Variants in IL1RAPL1 observed in about 807,000 individuals in gnomAD.
IL1RAPL1 encodes the protein interleukin-1 receptor accessory protein-like 1.
IL1RAPL1 carries 3 observed loss-of-function variants against 48.4 expected under a neutral mutation model. The observed-to-expected ratio is 0.06, with a 90% CI of 0.03 to 0.16. The LOEUF (loss-of-function observed/expected upper bound fraction) is 0.16, where lower values mean the gene tolerates loss of function less well. IL1RAPL1 is among the 10% of genes least tolerant of loss of function. The pLI, the probability that IL1RAPL1 is intolerant of heterozygous loss-of-function variation, is 1.00. For missense variants in IL1RAPL1, 349 were observed against 530.6 expected, an observed-to-expected ratio of 0.66 and a Z score of 3.36; for synonymous variants, 185 against 187.7, an observed-to-expected ratio of 0.99 and a Z score of 0.12.
chrX:28,704,898 A>T (rs1221381392), intron 1 of IL1RAPL1, among the ~76,000 whole-genome samples: 2 of 106,662 alleles, frequency 1.9e-5, no homozygotes, highest in African/African-American at 3.4e-5. Context: ...CAATACTGGG[A>T]TGGAGAAGTA....
intron 2 of IL1RAPL1, among the ~76,000 whole-genome samples, chrX:28,827,301 G>C (rs1937004348): frequency 9.0e-6 from 1 of 110,631 alleles, no homozygotes; most frequent in South Asian, 3.8e-4. Context: ...TTGTAGGCTG[G>C]GAGTGTCAGA....
intron 2 of IL1RAPL1, among the ~76,000 whole-genome samples, chrX:28,901,020 C>T (rs888948446): frequency 3.1e-4 from 35 of 111,872 alleles, no homozygotes; most frequent in African/African-American, 1.1e-3. Context: ...TAATTAACAG[C>T]TGGTAGGATT....
rs777695745 is a variant in IL1RAPL1, at chrX:29,802,437, G to A, written c.779-115027G>A. Reference sequence around the variant, plus strand: ...TTGCTTTAATTTTCAATCTCTCAAGGACCAATACTTTGGTAAAATACCATA... The same window carrying A: ...TTGCTTTAATTTTCAATCTCTCAAGAACCAATACTTTGGTAAAATACCATA... On this transcript the variant is annotated intron_variant, in intron 6 of 10. Transcript: ENST00000378993. Among the ~76,000 whole-genome samples, 181 of 109,414 alleles carry A rather than the reference G, an allele frequency of 1.7e-3. 2 individuals are homozygous for A. The highest frequency in any genetic ancestry group is 2.8e-3 in the Admixed American group (28 of 10,076).
rs765166817 is a variant in IL1RAPL1, at chrX:29,180,826, G to T, written c.83-102112G>T. ...CATACTTTGCTACATTGCTAAGAAT[G>T]TAAACATTACAGTGACGTTTTAGAT... is the stretch of plus-strand genomic sequence containing the variant. On this transcript the variant is annotated intron_variant, in intron 2 of 10. Transcript: ENST00000378993. 6.3e-5 allele frequency among the ~76,000 whole-genome samples: 7 copies of T among 111,702 alleles called. No individual in the cohort carries two copies. The South Asian group carries it at 1.1e-3, about 18-fold the overall frequency.
chrX:29,801,045 CAAAAAAAAAAAAAAAAAAAA>C (rs60240258), intron 6 of IL1RAPL1, among the ~76,000 whole-genome samples: 45 of 2,208 alleles, frequency 0.02, 3 homozygotes, highest in South Asian at 0.12. Flanking sequence ...CTCTCCGTCT[CAAAAAAAAAAAAAAAAAAAA>C]AAAAAAAAAA....
chrX:28,654,436 A>G (rs886474937), intron 1 of IL1RAPL1, among the ~76,000 whole-genome samples: 2 of 111,550 alleles, frequency 1.8e-5, no homozygotes, highest in African/African-American at 6.5e-5. Context: ...TATTCACATA[A>G]AGCTAATGGG....
At chrX:29,863,180 A>G (rs965244904) in intron 6 of IL1RAPL1, among the ~76,000 whole-genome samples, 1 of 111,546 alleles carries the variant, frequency 9.0e-6, no homozygotes, top group East Asian at 2.8e-4. Flanking sequence ...TGTGAGAGAT[A>G]AATCAAACCT....
At chrX:28,627,328 G>C (rs950124518) in intron 1 of IL1RAPL1, among the ~76,000 whole-genome samples, 45 of 111,745 alleles carry the variant, frequency 4.0e-4, no homozygotes, top group African/African-American at 1.4e-3. Flanking sequence ...TAAACGGGAG[G>C]GTGGGGAGTA....
chrX:29,010,275 T>C (rs149645503), intron 2 of IL1RAPL1, among the ~76,000 whole-genome samples: 1 of 112,008 alleles, frequency 8.9e-6, no homozygotes, highest in East Asian at 2.8e-4. Flanking sequence ...GCACTTCCAG[T>C]ACTATGCTGA....
chrX:29,766,504 T>C (rs1238492792), intron 6 of IL1RAPL1, among the ~76,000 whole-genome samples: 2 of 96,997 alleles, frequency 2.1e-5, no homozygotes, highest in Non-Finnish European at 4.0e-5. Flanking sequence ...TATATATATA[T>C]GAGATTTCCA....
chrX:28,660,656 A>G (rs1428007784), intron 1 of IL1RAPL1, among the ~76,000 whole-genome samples: 1 of 111,836 alleles, frequency 8.9e-6, no homozygotes, highest in Non-Finnish European at 1.9e-5. Context: ...GAGATTAAGA[A>G]GGGATTATTT....
chrX:28,975,629 T>C (rs1442660408), intron 2 of IL1RAPL1, among the ~76,000 whole-genome samples: 1 of 112,348 alleles, frequency 8.9e-6, no homozygotes, highest in African/African-American at 3.2e-5. Flanking sequence ...ATGAAGTCTC[T>C]TCTCCTAACC....
intron 6 of IL1RAPL1, among the ~76,000 whole-genome samples, chrX:29,830,300 G>A (rs1031244081): frequency 9.0e-6 from 1 of 111,539 alleles, no homozygotes; most frequent in African/African-American, 3.3e-5. Flanking sequence ...CATTGGGTGA[G>A]CAATTCTATT....
intron 2 of IL1RAPL1, among the ~76,000 whole-genome samples, chrX:28,996,419 AT>A (rs1925726688): frequency 9.0e-6 from 1 of 111,579 alleles, no homozygotes; most frequent in Non-Finnish European, 1.9e-5. Context: ...TTGCCATAAA[AT>A]TTTTTGTACA....
At chrX:29,292,607 G>A (rs1932388050) in intron 3 of IL1RAPL1, among the ~76,000 whole-genome samples, 1 of 111,158 alleles carries the variant, frequency 9.0e-6, no homozygotes, top group South Asian at 3.7e-4. Flanking sequence ...ATGCCATAAG[G>A]AGTCTTCATA....
At chrX:29,840,619 C>A (rs1306491207) in intron 6 of IL1RAPL1, among the ~76,000 whole-genome samples, 2 of 111,829 alleles carry the variant, frequency 1.8e-5, no homozygotes, top group African/African-American at 3.2e-5. Context: ...GCAAAGAGAT[C>A]TTATATATAT....
At chrX:29,368,473 G>A (rs1426535983) in intron 3 of IL1RAPL1, among the ~76,000 whole-genome samples, 4 of 111,915 alleles carry the variant, frequency 3.6e-5, no homozygotes, top group Admixed American at 1.9e-4. Flanking sequence ...CCTCCACCTC[G>A]CGGGCTCAAG....
rs369222008 is a variant in IL1RAPL1, at chrX:29,335,012, G to T, written c.362+51795G>T. Among the ~76,000 whole-genome samples the T allele has an allele frequency of 9.7e-4, 106 of 109,004 alleles. 2 individuals carry two copies. The East Asian group carries it at 0.027, about 28-fold the overall frequency. 94.7% of individuals were successfully genotyped at this position (109,004 alleles called of 115,157 possible). On this transcript the variant is annotated intron_variant, in intron 3 of 10. Transcript: ENST00000378993. ...TTGAGCACTGAGTGAACGAGACTCCGTCTGCAATCCCGGCACCTCGGGAGG... is the reference window on the plus strand; with the variant it reads ...TTGAGCACTGAGTGAACGAGACTCCTTCTGCAATCCCGGCACCTCGGGAGG...
chrX:29,385,008 G>A (rs1293678636), intron 3 of IL1RAPL1, among the ~76,000 whole-genome samples: 1 of 106,309 alleles, frequency 9.4e-6, no homozygotes, highest in East Asian at 2.9e-4. Context: ...CATTTAAAGT[G>A]TACCATTCTA....
Sources: gnomAD v4.1 joint callset for allele counts (sites outside exome capture counted in the v4.1 genomes callset) on GRCh38, gnomAD v4.1.1 for gene constraint, MANE v1.5 for transcripts, NCBI Gene and HGNC (gene_info 2026-07-23, HGNC 2026-07-21) for gene names.